ERAP1: variants seen among roughly 807,000 people sequenced by gnomAD.
The protein encoded by ERAP1 is adipocyte-derived leucine aminopeptidase.
ERAP1 carries 86 observed loss-of-function variants against 103.7 expected under a neutral mutation model. The ratio of observed to expected loss-of-function variants is 0.83; its 90% CI spans 0.70 to 0.99. The LOEUF (loss-of-function observed/expected upper bound fraction) is 0.99, where lower values mean the gene tolerates loss of function less well. Ranked by LOEUF, ERAP1 falls within the 50% of genes least tolerant of loss-of-function variation. The probability of loss-of-function intolerance (pLI) is 0.00; values close to 1 mark genes in which losing one functional copy is unlikely to be tolerated. For missense variants in ERAP1, 1,009 were observed against 1,128.4 expected, an observed-to-expected ratio of 0.89 and a Z score of 1.52; for synonymous variants, 398 against 402.4, an observed-to-expected ratio of 0.99 and a Z score of 0.13.
chr5:96,823,948 G>T, the ERAP1 span, among the ~76,000 whole-genome samples: 76 of 152,324 alleles, frequency 5.0e-4, no homozygotes, highest in Admixed American at 3.1e-3. Context: ...TGCCTTGACA[G>T]TGGATCTGAT....
downstream of ERAP1, chr5:96,771,772 G>C (rs1013476181): frequency 2.1e-5 from 20 of 931,662 alleles, no homozygotes; most frequent in Non-Finnish European, 1.7e-6. Flanking sequence ...ATAGATGAGA[G>C]AAGTGAAGTC....
the ERAP1 span, among the ~76,000 whole-genome samples, chr5:96,858,669 A>T: frequency 1.3e-5 from 2 of 152,172 alleles, no homozygotes; most frequent in African/African-American, 4.8e-5. Flanking sequence ...CTGAAGTTAG[A>T]GTGCATGACA....
the ERAP1 span, among the ~76,000 whole-genome samples, chr5:96,855,467 A>G: frequency 1.3e-5 from 2 of 152,180 alleles, no homozygotes; most frequent in Non-Finnish European, 2.9e-5. Context: ...ACTTTGGAGA[A>G]AAGAAAAAAA....
At chr5:96,931,489 G>C in the ERAP1 span, among the ~76,000 whole-genome samples, 1 of 152,222 alleles carries the variant, frequency 6.6e-6, no homozygotes, top group South Asian at 2.1e-4. Flanking sequence ...AAAAGGCATG[G>C]TTTAAACATT....
At chr5:96,891,546 AC>A in the ERAP1 span, among the ~76,000 whole-genome samples, 1 of 147,044 alleles carries the variant, frequency 6.8e-6, no homozygotes, top group African/African-American at 2.5e-5. Context: ...ACACACACAC[AC>A]ACACACACAC....
At chr5:96,883,827 C>G in the ERAP1 span, 1 of 1,613,090 alleles carries the variant, frequency 6.2e-7, no homozygotes, top group African/African-American at 1.3e-5. Flanking sequence ...CCAACCCAGG[C>G]ACGCATGGCT....
the ERAP1 span, among the ~76,000 whole-genome samples, chr5:96,882,302 G>C: frequency 6.6e-6 from 1 of 152,182 alleles, no homozygotes; most frequent in African/African-American, 2.4e-5. Flanking sequence ...TATTCTGGGA[G>C]CTGTGGGAGA....
chr5:96,829,693 A>G, the ERAP1 span, among the ~76,000 whole-genome samples: 3 of 152,234 alleles, frequency 2.0e-5, no homozygotes, highest in African/African-American at 7.2e-5. Flanking sequence ...CTGCCTTCCG[A>G]ATTAGTGATA....
At chr5:96,845,662 T>A in the ERAP1 span, among the ~76,000 whole-genome samples, 1 of 152,238 alleles carries the variant, frequency 6.6e-6, no homozygotes, top group African/African-American at 2.4e-5. Flanking sequence ...TTCAAACTTT[T>A]AAAAATTATC....
At chr5:96,926,493 A>C in the ERAP1 span, among the ~76,000 whole-genome samples, 2 of 152,218 alleles carry the variant, frequency 1.3e-5, no homozygotes, top group African/African-American at 4.8e-5. Context: ...TAAGGAAATC[A>C]CTAATCTACT....
chr5:96,786,446 C>A, intron 12 of ERAP1, 24 bp downstream of exon 12: 1 of 1,474,722 alleles, frequency 6.8e-7, no homozygotes, highest in Non-Finnish European at 9.5e-7. Context: ...CTTGAATTAA[C>A]TAGTAGTTTC....
At chr5:96,771,547 C>A, downstream of ERAP1, 1 of 815,324 alleles carries the variant, frequency 1.2e-6, no homozygotes, top group Non-Finnish European at 2.0e-6. Flanking sequence ...TTTTTCCCCA[C>A]TGACTGCCAT....
the ERAP1 span, among the ~76,000 whole-genome samples, chr5:96,842,481 C>A: frequency 6.6e-6 from 1 of 152,116 alleles, no homozygotes; most frequent in African/African-American, 2.4e-5. Flanking sequence ...CATGGCCATT[C>A]TTGAAAAAGT....
the ERAP1 span, among the ~76,000 whole-genome samples, chr5:96,861,975 G>T: frequency 6.6e-6 from 1 of 151,996 alleles, no homozygotes; most frequent in Non-Finnish European, 1.5e-5. Flanking sequence ...AAGGTATATT[G>T]TGATTCTTTT....
At chr5:96,861,073 A>G in the ERAP1 span, among the ~76,000 whole-genome samples, 1 of 152,132 alleles carries the variant, frequency 6.6e-6, no homozygotes, top group Non-Finnish European at 1.5e-5. Context: ...TCTCCCTAGA[A>G]GTTTGTAAGT....
At position 96,785,691 on chromosome 5, in the gene ERAP1, T is replaced by C. The variant is rs564881867; in HGVS notation, c.1943+97A>G. ...TAAAGGAAAACACCTTTCAACTTCT[T>C]GTTATCAATCAATCATTTTTGTCTT... On this transcript the variant is annotated intron_variant, in intron 13 of 18. Transcript: ENST00000443439. 4.7e-4 allele frequency: 636 copies of C among 1,352,016 alleles called. 1 individual carries two copies. The highest frequency in any genetic ancestry group is 5.9e-4 in the Non-Finnish European group (568 of 962,234). 83.8% of individuals were successfully genotyped at this position (1,352,016 alleles called of 1,614,324 possible). A position where few individuals can be genotyped will look rare whatever the true frequency, so the allele number is the denominator to read the frequency against.
chr5:96,781,826 A>G lies in ERAP1; in HGVS notation c.2314T>C (p.Phe772Leu). Residue 772 changes from phenylalanine (F) to leucine (L), a missense_variant, in exon 16 of 19, where the codon TTT (phenylalanine) becomes CTT (leucine). Phe to Leu is a conservative substitution (Grantham distance 22). Coordinates refer to ENST00000443439, the MANE Select transcript of ERAP1 (RefSeq NM_001040458.3). ...TCTGTGCTCTGGGCCCCCACAGCAA[A>G]CACTGCCAAGGTCACGTCGACAGGC... Reference protein sequence around the residue: ...SLPVDVTLAVFAVGAQSTEGW... With the variant: ...SLPVDVTLAVLAVGAQSTEGW... 6.2e-7 allele frequency: 1 copy of G among 1,614,084 alleles called. No individual in the cohort carries two copies.
the ERAP1 span, among the ~76,000 whole-genome samples, chr5:96,874,170 GAAAGAA>G: frequency 1.3e-4 from 13 of 103,208 alleles, no homozygotes; most frequent in African/African-American, 4.0e-4. Flanking sequence ...AAGAAAGAAA[GAAAGAA>G]AGAAAGAGAG....
At chr5:96,809,716 G>A (rs956489282), upstream of ERAP1, among the ~76,000 whole-genome samples, 1 of 151,964 alleles carries the variant, frequency 6.6e-6, no homozygotes, top group Non-Finnish European at 1.5e-5. Context: ...TTGACAGGAG[G>A]TATCAATGGA....
Sources: gnomAD v4.1 joint callset for allele counts (sites outside exome capture counted in the v4.1 genomes callset) on GRCh38, gnomAD v4.1.1 for gene constraint, MANE v1.5 for transcripts, NCBI Gene and HGNC (gene_info 2026-07-23, HGNC 2026-07-21) for gene names.